The following DAPK1 variants were observed in gnomAD, a reference collection of about 807,000 sequenced individuals.
DAPK1 encodes death associated protein kinase 1, also known as death-associated protein kinase 1.
DAPK1 carries 56 observed loss-of-function variants against 144.9 expected under a neutral mutation model. The observed-to-expected ratio is 0.39, with a 90% CI of 0.31 to 0.48. DAPK1 has a LOEUF of 0.48. DAPK1 is among the 20% of genes least tolerant of loss of function. The pLI, the probability that DAPK1 is intolerant of heterozygous loss-of-function variation, is 0.95. For missense variants in DAPK1, 1,454 were observed against 1,875.4 expected (o/e 0.78, Z 4.15); for synonymous variants, 690 against 749.0 (o/e 0.92, Z 1.29).
At chr9:87,677,765 G>A (rs1457526654) in intron 19 of DAPK1, among the ~76,000 whole-genome samples, 1 of 152,224 alleles carries the variant, frequency 6.6e-6, no homozygotes, top group Non-Finnish European at 1.5e-5. Context: ...ACGCAGCTCA[G>A]GTGCTCATGC....
At chr9:87,692,951 A>ATTT (rs1825116696) in intron 21 of DAPK1, among the ~76,000 whole-genome samples, 1 of 40,182 alleles carries the variant, frequency 2.5e-5, no homozygotes, top group African/African-American at 7.8e-5. Flanking sequence ...AAGTGACTAG[A>ATTT]CTTTTTTTTT....
chr9:87,498,072 G>A lies in DAPK1; in HGVS notation c.-144G>A. 1 of 397,686 alleles carries A rather than the reference G, an allele frequency of 2.5e-6. No homozygotes were observed. Among genetic ancestry groups the A allele is most frequent in the South Asian group, 1.3e-4 (1 of 7,674 alleles). The allele number at this position is 397,686 out of a possible 1,614,324, so 24.6% of individuals were successfully genotyped here. A position where few individuals can be genotyped will look rare whatever the true frequency, so the allele number is the denominator to read the frequency against. ...GCGCCTATGGTCGGCCTCCGACAGC[G>A]CTCCGGAGGGACCGGGGGAGCTCCC... is the stretch of plus-strand genomic sequence containing the variant. On this transcript the variant is annotated 5_prime_UTR_variant, in exon 1 of 26. Coordinates refer to ENST00000408954, the MANE Select transcript of DAPK1 (RefSeq NM_004938.4).
Position 87,648,951 on chromosome 9 carries a change from G to A in DAPK1, c.1428+72G>A, listed in dbSNP as rs989141571. On this transcript the variant is annotated intron_variant, in intron 15 of 25. Transcript: ENST00000408954. The stretch of plus-strand genomic sequence containing the variant: ...GTACAGGCAGCCAGATGGTACAGTC[G>A]GGGCCTTTAGAGTTTTATCCAAGCT... 146 of 1,334,134 alleles carry A rather than the reference G, an allele frequency of 1.1e-4. No homozygotes were observed. In the East Asian group the frequency reaches 2.3e-3, roughly 21 times the overall value. The allele number at this position is 1,334,134 out of a possible 1,614,324, so 82.6% of individuals were successfully genotyped here. A position where few individuals can be genotyped will look rare whatever the true frequency, so the allele number is the denominator to read the frequency against.
At chr9:87,604,175 G>T (rs1005416105) in intron 2 of DAPK1, among the ~76,000 whole-genome samples, 3 of 152,112 alleles carry the variant, frequency 2.0e-5, no homozygotes, top group Non-Finnish European at 2.9e-5. Context: ...GCTTTGAGGG[G>T]GGGGTTCTGT....
At chr9:87,522,306 C>T (rs1030576516) in intron 2 of DAPK1, among the ~76,000 whole-genome samples, 1 of 152,158 alleles carries the variant, frequency 6.6e-6, no homozygotes, top group Non-Finnish European at 1.5e-5. Flanking sequence ...ATCTTGCCCT[C>T]CAGTGACTAG....
At chr9:87,525,603 G>A (rs563780731) in intron 2 of DAPK1, 28 of 689,472 alleles carry the variant, frequency 4.1e-5, no homozygotes, top group African/African-American at 3.4e-4. Flanking sequence ...AGGCCAAAAT[G>A]TCAGTTTCCA....
chr9:87,584,770 G>A (rs911651566), intron 2 of DAPK1, among the ~76,000 whole-genome samples: 2 of 152,068 alleles, frequency 1.3e-5, no homozygotes, highest in African/African-American at 4.8e-5. Flanking sequence ...TCCACCTCCT[G>A]GGTTCAACTG....
Position 87,686,907 on chromosome 9 carries a change from C to T in DAPK1, c.2413+168C>T. ...GGACTGAAGCATGGCTGGCTACCAT[C>T]CCTAAACAGTGAAATTAAACACTGG... On this transcript the variant is annotated intron_variant, in intron 21 of 25. Transcript: ENST00000408954. This position sits in a 1 kb window ranked among gnomAD's most constrained non-coding sequence, Gnocchi z 4.2. The T allele has an allele frequency of 1.0e-6, 1 of 955,384 alleles. No homozygotes were observed. The allele number at this position is 955,384 out of a possible 1,614,324, so 59.2% of individuals were successfully genotyped here.
intron 2 of DAPK1, among the ~76,000 whole-genome samples, chr9:87,543,432 G>A (rs1826126784): frequency 6.6e-6 from 1 of 152,196 alleles, no homozygotes; most frequent in Non-Finnish European, 1.5e-5. Flanking sequence ...TTTGAGTGCA[G>A]TTTCTTTAAA....
In DAPK1 at chr9:87,532,691, G is replaced by C. The variant is rs562148762; in HGVS notation, c.62+33552G>C. 2.6e-3 allele frequency among the ~76,000 whole-genome samples: 394 copies of C among 152,244 alleles called. 3 individuals carry two copies. The highest frequency in any genetic ancestry group is 6.2e-3 in the South Asian group (30 of 4,824). On this transcript the variant is annotated intron_variant, in intron 2 of 25. Coordinates refer to ENST00000408954, the MANE Select transcript of DAPK1 (RefSeq NM_004938.4). Reference sequence around the variant, plus strand: ...TACAAGGAGCCAGGCATTCATAATAGAGCCAGCTGATGCTTTGAGAGAAGA... The same window carrying C: ...TACAAGGAGCCAGGCATTCATAATACAGCCAGCTGATGCTTTGAGAGAAGA...
At chr9:87,597,869 CCTT>C (rs1828376964) in intron 2 of DAPK1, among the ~76,000 whole-genome samples, 1 of 152,162 alleles carries the variant, frequency 6.6e-6, no homozygotes, top group Non-Finnish European at 1.5e-5. Flanking sequence ...TAAACACACA[CCTT>C]CTTCCACTCC....
intron 12 of DAPK1, 65 bp downstream of exon 12, chr9:87,646,079 A>G: frequency 6.4e-7 from 1 of 1,564,548 alleles, no homozygotes; most frequent in East Asian, 2.3e-5. Context: ...TCCATATCCA[A>G]GGAAAGACCC....
chr9:87,662,124 G>A lies in DAPK1; in HGVS notation c.1923+3997G>A, dbSNP rs569326498. ...TTCTTATCAGTTTTGTCAGAGAACA[G>A]TTGGCTGTAAGCATGTGGCTATATG... On this transcript the variant is annotated intron_variant, in intron 18 of 25. Transcript: ENST00000408954. Among the ~76,000 whole-genome samples, 5 of 152,292 alleles carry A rather than the reference G, an allele frequency of 3.3e-5. No homozygotes were observed. The East Asian group carries it at 9.6e-4, about 29-fold the overall frequency.
chr9:87,664,209 T>A (rs6560014), intron 18 of DAPK1, among the ~76,000 whole-genome samples: 11,811 of 152,040 alleles, frequency 0.078, 1,390 homozygotes, highest in African/African-American at 0.26. Flanking sequence ...TCCCCTCTTC[T>A]CCCCTTCAGT....
intron 2 of DAPK1, among the ~76,000 whole-genome samples, chr9:87,546,000 A>G (rs1474344576): frequency 6.6e-6 from 1 of 152,160 alleles, no homozygotes; most frequent in Non-Finnish European, 1.5e-5. Flanking sequence ...TTGTTTTTGC[A>G]GTACAGATTC....
At chr9:87,530,125 C>A (rs1825651552) in intron 2 of DAPK1, among the ~76,000 whole-genome samples, 1 of 152,198 alleles carries the variant, frequency 6.6e-6, no homozygotes. Flanking sequence ...AAAAGCACAG[C>A]CTAATCTTGC....
rs762890356 is a variant in DAPK1 at position 87,706,666 on chromosome 9, C to T, written c.3595C>T (p.Arg1199Cys). The change falls in exon 26 of 26, where the codon CGC becomes TGC. Residue 1199 changes from arginine (R) to cysteine (C), a missense_variant. This residue lies in a region of DAPK1 where 1,025 missense variants were observed against 1,237.9 expected (regional missense o/e 0.83). Transcript: ENST00000408954. The surrounding 1 kb of genome is among the most constrained non-coding windows in gnomAD (Gnocchi z 9.0). The part of the protein sequence containing the change: ...NHGQGIEVQV[R>C]GLETEKIKCC... ...CGGCCAGGGCATTGAGGTCCAGGTC[C>T]GCGGCCTGGAGACGGAGAAGATCAA... The T allele has an allele frequency of 1.3e-5, 21 of 1,610,440 alleles. No individual in the cohort carries two copies. The highest frequency in any genetic ancestry group is 3.3e-5 in the Admixed American group (2 of 59,994).
intron 19 of DAPK1, 142 bp from the exon 20 acceptor site, chr9:87,681,262 G>C: frequency 1.7e-6 from 1 of 574,050 alleles, no homozygotes; most frequent in South Asian, 2.1e-5. Context: ...TGGGCAACAA[G>C]AGTGAAACTC....
At chr9:87,588,783 A>G (rs948292393) in intron 2 of DAPK1, among the ~76,000 whole-genome samples, 3 of 152,202 alleles carry the variant, frequency 2.0e-5, no homozygotes, top group African/African-American at 7.2e-5. Context: ...AGTCTATTAC[A>G]GGATTTTTAC....
Sources: gnomAD v4.1 joint callset for allele counts (sites outside exome capture counted in the v4.1 genomes callset) on GRCh38, gnomAD v4.1.1 for gene constraint, gnomAD v4.1.1 regional missense constraint, Gnocchi (gnomAD v3.1) non-coding constraint, MANE v1.5 for transcripts, NCBI Gene and HGNC (gene_info 2026-07-23, HGNC 2026-07-21) for gene names.